The following RASGRP1 variants were observed in gnomAD, a reference collection of about 807,000 sequenced individuals.
The protein encoded by RASGRP1 is RAS guanyl releasing protein 1, also known as RAS guanyl-releasing protein 1.
Under a neutral mutation model 95.1 loss-of-function variants are expected in RASGRP1, and 37 were observed. That is an observed-to-expected ratio of 0.39 (90% CI 0.30 to 0.51). The LOEUF is 0.51. RASGRP1 is among the 20% of genes least tolerant of loss of function. The pLI, the probability that RASGRP1 is intolerant of heterozygous loss-of-function variation, is 0.80. For missense variants in RASGRP1, 711 were observed against 965.4 expected, an observed-to-expected ratio of 0.74 and a Z score of 3.49; for synonymous variants, 325 against 353.4, an observed-to-expected ratio of 0.92 and a Z score of 0.90.
intron 8 of RASGRP1, 29 bp from the exon 9 acceptor site, chr15:38,508,030 TACC>T: frequency 6.3e-7 from 1 of 1,576,710 alleles, no homozygotes; most frequent in Non-Finnish European, 8.6e-7. Context: ...CAATCACAGG[TACC>T]CGCTAGGCAG....
intron 1 of RASGRP1, among the ~76,000 whole-genome samples, chr15:38,563,402 G>C (rs143870891): frequency 6.6e-6 from 1 of 152,132 alleles, no homozygotes; most frequent in African/African-American, 2.4e-5. Flanking sequence ...AGCCCCATAG[G>C]TTTGCTGAAG....
chr15:38,548,216 T>C (rs1192765400), intron 2 of RASGRP1, among the ~76,000 whole-genome samples: 1 of 152,198 alleles, frequency 6.6e-6, no homozygotes, highest in African/African-American at 2.4e-5. Flanking sequence ...TTTGAATTTT[T>C]GTAATCCTAA....
intron 2 of RASGRP1, among the ~76,000 whole-genome samples, chr15:38,545,874 C>T (rs1002676947): frequency 7.2e-5 from 11 of 152,158 alleles, no homozygotes; most frequent in African/African-American, 9.7e-5. Context: ...CCATCATTGT[C>T]CTAATATTTT....
chr15:38,534,720 T>C (rs1892574373), intron 2 of RASGRP1: 1 of 152,224 alleles, frequency 6.6e-6, no homozygotes, highest in Non-Finnish European at 1.5e-5. Flanking sequence ...AAAAATCTGG[T>C]TAACCCACCC....
intron 15 of RASGRP1, 29 bp downstream of exon 15, chr15:38,498,765 C>T (rs775369910): frequency 1.2e-6 from 2 of 1,602,180 alleles, no homozygotes; most frequent in East Asian, 4.5e-5. Flanking sequence ...CTTCACTTTC[C>T]AAGATGAATG....
At chr15:38,546,223 A>AT (rs1365834825) in intron 2 of RASGRP1, among the ~76,000 whole-genome samples, 4 of 152,054 alleles carry the variant, frequency 2.6e-5, no homozygotes, top group Admixed American at 6.5e-5. Context: ...TTATTTATTT[A>AT]TTTATTTATT....
At chr15:38,515,782 C>T (rs1205085999) in intron 6 of RASGRP1, among the ~76,000 whole-genome samples, 4 of 150,616 alleles carry the variant, frequency 2.7e-5, no homozygotes, top group Non-Finnish European at 4.4e-5. Context: ...CCCCGCACCC[C>T]CCCCCCTTTT....
At chr15:38,542,884 CACATATATGTGT>C (rs1566933480) in intron 2 of RASGRP1, among the ~76,000 whole-genome samples, 33 of 130,556 alleles carry the variant, frequency 2.5e-4, no homozygotes, top group African/African-American at 8.2e-4. Flanking sequence ...TATATATATA[CACATATATGTGT>C]ATATATATAC....
chr15:38,553,175 G>C (rs998008311), intron 2 of RASGRP1, among the ~76,000 whole-genome samples: 3 of 152,278 alleles, frequency 2.0e-5, no homozygotes, highest in African/African-American at 7.2e-5. Flanking sequence ...TCTAGGGCAA[G>C]CCCAACTAGG....
At chr15:38,552,821 G>A (rs901034407) in intron 2 of RASGRP1, among the ~76,000 whole-genome samples, 6 of 152,180 alleles carry the variant, frequency 3.9e-5, no homozygotes, top group Non-Finnish European at 5.9e-5. Flanking sequence ...AGCCAGCCCA[G>A]CACACCACTG....
At position 38,538,990 on chromosome 15, in the gene RASGRP1, A is replaced by T. The variant is rs1222237270; in HGVS notation, c.221-12586T>A. Among the ~76,000 whole-genome samples, 3 of 152,050 alleles carry T rather than the reference A, an allele frequency of 2.0e-5. No individual in the cohort carries two copies. In the East Asian group the frequency reaches 5.8e-4, roughly 29 times the overall value. Reference sequence around the variant, plus strand: ...TCTATTTATTAGCGTTTTATGAATGACCACTCTCCTCACACGTTGCCTCAT... The same window carrying T: ...TCTATTTATTAGCGTTTTATGAATGTCCACTCTCCTCACACGTTGCCTCAT... On this transcript the variant is annotated intron_variant, in intron 2 of 16. Transcript: ENST00000310803.
rs1382317674 is a variant in RASGRP1 at position 38,489,812 on chromosome 15, A to AT, written c.*741dup. 2 of 151,954 alleles carry AT rather than the reference A, an allele frequency of 1.3e-5. No individual in the cohort carries two copies. The highest frequency in any genetic ancestry group is 4.8e-5 in the African/African-American group (2 of 41,412). 9.4% of individuals were successfully genotyped at this position (151,954 alleles called of 1,614,324 possible). On this transcript the variant is annotated 3_prime_UTR_variant, in exon 17 of 17. Transcript: ENST00000310803. ...ACATGTTTGCGTTATGTTTATTTTAATTAGACAGTAATATGAGATGGTAAT... is the reference window on the plus strand; with the variant it reads ...ACATGTTTGCGTTATGTTTATTTTAATTTAGACAGTAATATGAGATGGTAAT...
rs556213854 is a variant in RASGRP1, at chr15:38,500,346, T to G, written c.1684-207A>C. ...AAGTTTCTCAAGAAGCAGGTTTTTT[T>G]TGTTTTGTTTTTTTTGAGACAGTCT... On this transcript the variant is annotated intron_variant, in intron 13 of 16. Coordinates refer to ENST00000310803, the MANE Select transcript of RASGRP1 (RefSeq NM_005739.4). Among the ~76,000 whole-genome samples, 10 of 151,638 alleles carry G rather than the reference T, an allele frequency of 6.6e-5. No homozygotes were observed. In the East Asian group the frequency reaches 1.7e-3, roughly 27 times the overall value.
intron 2 of RASGRP1, among the ~76,000 whole-genome samples, chr15:38,536,783 G>T (rs931966465): frequency 6.6e-6 from 1 of 152,172 alleles, no homozygotes; most frequent in African/African-American, 2.4e-5. Flanking sequence ...TTCTTTAATT[G>T]CTTATAATTC....
rs1595809207 is a variant in RASGRP1 at position 38,488,698 on chromosome 15, A to G, written c.*1856T>C. On this transcript the variant is annotated 3_prime_UTR_variant, in exon 17 of 17. Coordinates refer to ENST00000310803, the MANE Select transcript of RASGRP1 (RefSeq NM_005739.4). The stretch of plus-strand genomic sequence containing the variant: ...GGAAGAATGAAAAAAATTGTGTTCC[A>G]TTACTGTTTTAAAAAATTAGAGTAC... 1 of 152,114 alleles carries G rather than the reference A, an allele frequency of 6.6e-6. No individual in the cohort carries two copies. Among genetic ancestry groups the G allele is most frequent in the African/African-American group, 2.4e-5 (1 of 41,566 alleles). 9.4% of individuals were successfully genotyped at this position (152,114 alleles called of 1,614,324 possible).
At chr15:38,529,319 C>CAAAA (rs1892350005) in intron 2 of RASGRP1, among the ~76,000 whole-genome samples, 3 of 152,232 alleles carry the variant, frequency 2.0e-5, no homozygotes. Context: ...AAAAGCACTA[C>CAAAA]ATGTCCTGGC....
intron 7 of RASGRP1, among the ~76,000 whole-genome samples, chr15:38,512,372 T>A (rs1891568648): frequency 6.6e-6 from 1 of 152,170 alleles, no homozygotes; most frequent in African/African-American, 2.4e-5. Flanking sequence ...CCTCAAACAT[T>A]AAATGCAGCC....
chr15:38,515,778 A>ACCC (rs572642236), intron 6 of RASGRP1, among the ~76,000 whole-genome samples: 57 of 98,350 alleles, frequency 5.8e-4, no homozygotes, highest in Non-Finnish European at 9.7e-4. Flanking sequence ...CCGCCCCCGC[A>ACCC]CCCCCCCCCC....
intron 8 of RASGRP1, among the ~76,000 whole-genome samples, chr15:38,508,566 A>C (rs1891360746): frequency 6.6e-6 from 1 of 152,240 alleles, no homozygotes; most frequent in Non-Finnish European, 1.5e-5. Flanking sequence ...CAAGATTCTC[A>C]GAATGGGCCT....
Sources: gnomAD v4.1 joint callset for allele counts (sites outside exome capture counted in the v4.1 genomes callset) on GRCh38, gnomAD v4.1.1 for gene constraint, MANE v1.5 for transcripts, NCBI Gene and HGNC (gene_info 2026-07-23, HGNC 2026-07-21) for gene names.